The following NCKAP5 variants were observed in gnomAD, a reference collection of about 807,000 sequenced individuals.
NCKAP5 encodes NCK associated protein 5.
NCKAP5 carries 92 observed loss-of-function variants against 167.0 expected under a neutral mutation model. The ratio of observed to expected loss-of-function variants is 0.55; its 90% CI spans 0.47 to 0.66. The LOEUF (loss-of-function observed/expected upper bound fraction) is 0.66. NCKAP5 is among the 30% of genes least tolerant of loss of function. The probability of loss-of-function intolerance (pLI) is 0.00; values close to 1 mark genes in which losing one functional copy is unlikely to be tolerated. For synonymous variants in NCKAP5, 891 were observed against 877.4 expected, an observed-to-expected ratio of 1.02 and a Z score of -0.27; for missense variants, 2,378 against 2,315.0, an observed-to-expected ratio of 1.03 and a Z score of -0.56.
At chr2:132,983,845 A>C (rs1014558042) in intron 7 of NCKAP5, among the ~76,000 whole-genome samples, 5 of 152,210 alleles carry the variant, frequency 3.3e-5, no homozygotes, top group Non-Finnish European at 7.3e-5. Context: ...TTAGGATTAG[A>C]TAGCCCTTCC....
intron 6 of NCKAP5, among the ~76,000 whole-genome samples, chr2:133,091,349 C>T (rs1004900960): frequency 1.1e-4 from 16 of 152,216 alleles, no homozygotes; most frequent in Non-Finnish European, 1.8e-4. Context: ...GATTCCACCA[C>T]ATGAGCTGGA....
At chr2:133,473,310 C>G (rs928767531) in intron 3 of NCKAP5, among the ~76,000 whole-genome samples, 1 of 151,136 alleles carries the variant, frequency 6.6e-6, no homozygotes, top group Non-Finnish European at 1.5e-5. Context: ...CCAGCCTGGG[C>G]GACAGAGCGA....
At chr2:133,145,268 A>C (rs1433637115) in intron 5 of NCKAP5, among the ~76,000 whole-genome samples, 1 of 152,060 alleles carries the variant, frequency 6.6e-6, no homozygotes, top group East Asian at 1.9e-4. Context: ...TGTGCTATTT[A>C]ATAAATAAGT....
At chr2:133,012,000 C>T (rs980937853) in intron 6 of NCKAP5, among the ~76,000 whole-genome samples, 1 of 152,014 alleles carries the variant, frequency 6.6e-6, no homozygotes, top group African/African-American at 2.4e-5. Context: ...TTCATCCTGC[C>T]CTCTTCATAG....
intron 3 of NCKAP5, among the ~76,000 whole-genome samples, chr2:133,307,467 C>A (rs1039836244): frequency 1.3e-5 from 2 of 151,632 alleles, no homozygotes; most frequent in Non-Finnish European, 1.5e-5. Context: ...TAACGGAAAA[C>A]AATCCACACA....
At chr2:133,148,502 C>G (rs2083278669) in intron 5 of NCKAP5, among the ~76,000 whole-genome samples, 2 of 152,114 alleles carry the variant, frequency 1.3e-5, no homozygotes, top group South Asian at 4.1e-4. Context: ...GACCATCTTA[C>G]CCAGGTCTCT....
At chr2:133,242,257 T>C (rs546042342) in intron 4 of NCKAP5, among the ~76,000 whole-genome samples, 38 of 144,864 alleles carry the variant, frequency 2.6e-4, no homozygotes, top group African/African-American at 1.1e-3. Context: ...TTCTTTTCTT[T>C]TCTTTTTTTT....
At chr2:133,594,236 C>A in the NCKAP5 span, among the ~76,000 whole-genome samples, 1 of 152,198 alleles carries the variant, frequency 6.6e-6, no homozygotes, top group Non-Finnish European at 1.5e-5. Flanking sequence ...TTACCATCTC[C>A]ACCACAGTGT....
At chr2:133,039,086 A>T (rs113452046) in intron 6 of NCKAP5, among the ~76,000 whole-genome samples, 1 of 152,152 alleles carries the variant, frequency 6.6e-6, no homozygotes, top group Admixed American at 6.5e-5. Flanking sequence ...CTGGCTCTGG[A>T]GGAGAAGGTT....
At chr2:133,342,142 T>C (rs62180014) in intron 3 of NCKAP5, among the ~76,000 whole-genome samples, 14,453 of 152,102 alleles carry the variant, frequency 0.095, 896 homozygotes, top group Non-Finnish European at 0.14. Flanking sequence ...GGTTTCACCA[T>C]GTTAGCCAGG....
intron 6 of NCKAP5, among the ~76,000 whole-genome samples, chr2:133,022,534 T>C (rs2078562358): frequency 6.6e-6 from 1 of 152,144 alleles, no homozygotes; most frequent in South Asian, 2.1e-4. Flanking sequence ...ATCTCCTCTC[T>C]GGGAATCTTA....
intron 6 of NCKAP5, among the ~76,000 whole-genome samples, chr2:133,094,637 G>A (rs1377522658): frequency 6.6e-6 from 1 of 152,154 alleles, no homozygotes; most frequent in Non-Finnish European, 1.5e-5. Flanking sequence ...CTGTCAAGAT[G>A]ATGAGATATC....
intron 2 of NCKAP5, among the ~76,000 whole-genome samples, chr2:133,551,816 A>C (rs1156517017): frequency 4.8e-5 from 6 of 124,240 alleles, no homozygotes; most frequent in Admixed American, 1.7e-4. Context: ...CAACCTACAA[A>C]ATGGGAGAAA....
chr2:133,107,224 T>C (rs1469292017), intron 6 of NCKAP5, among the ~76,000 whole-genome samples: 1 of 152,126 alleles, frequency 6.6e-6, no homozygotes, highest in Non-Finnish European at 1.5e-5. Flanking sequence ...ACTACCTCCT[T>C]GTCATCATCT....
intron 3 of NCKAP5, among the ~76,000 whole-genome samples, chr2:133,320,701 G>A (rs891241462): frequency 3.3e-5 from 5 of 152,064 alleles, no homozygotes; most frequent in South Asian, 2.1e-4. Flanking sequence ...GCACTCCAGC[G>A]AGACTCTGTC....
chr2:133,079,183 C>G (rs965364928), intron 6 of NCKAP5, among the ~76,000 whole-genome samples: 4 of 152,116 alleles, frequency 2.6e-5, no homozygotes, highest in African/African-American at 9.7e-5. Flanking sequence ...TATCTTTTGT[C>G]CTATACAATG....
chr2:132,794,253 TATATATATATAGAGAGAGAGAGAG>T (rs1208182422), intron 12 of NCKAP5, among the ~76,000 whole-genome samples: 12 of 55,140 alleles, frequency 2.2e-4, no homozygotes, highest in African/African-American at 7.6e-4. Flanking sequence ...TATATATATA[TATATATATATAGAGAGAGAGAGAG>T]AGAGAGAGAG....
intron 7 of NCKAP5, among the ~76,000 whole-genome samples, chr2:132,989,889 G>A (rs1212960204): frequency 6.6e-6 from 1 of 152,120 alleles, no homozygotes; most frequent in African/African-American, 2.4e-5. Context: ...CATAAAATGA[G>A]CCTGAAAATA....
At chr2:133,028,244 G>A (rs2078761730) in intron 6 of NCKAP5, among the ~76,000 whole-genome samples, 1 of 152,216 alleles carries the variant, frequency 6.6e-6, no homozygotes, top group African/African-American at 2.4e-5. Context: ...GGATTTTCCA[G>A]ATAAATTATT....
Sources: gnomAD v4.1 joint callset for allele counts (sites outside exome capture counted in the v4.1 genomes callset) on GRCh38, gnomAD v4.1.1 for gene constraint, MANE v1.5 for transcripts, NCBI Gene and HGNC (gene_info 2026-07-23, HGNC 2026-07-21) for gene names.